Variants in TANC1 observed in about 807,000 individuals in gnomAD.
The protein encoded by TANC1 is tetratricopeptide repeat, ankyrin repeat and coiled-coil containing 1, also known as protein TANC1.
TANC1 carries 77 observed loss-of-function variants against 149.7 expected under a neutral mutation model. The ratio of observed to expected loss-of-function variants is 0.51; its 90% confidence interval spans 0.43 to 0.62. The LOEUF (loss-of-function observed/expected upper bound fraction) is 0.62. Ranked by LOEUF, TANC1 falls within the 20% of genes least tolerant of loss-of-function variation. The pLI is 0.00. For synonymous variants in TANC1, 854 were observed against 925.0 expected (o/e 0.92, Z 1.39); for missense variants, 1,985 against 2,321.8 (o/e 0.85, Z 2.98).
At chr2:159,034,054 A>C (rs971164844) in intron 2 of TANC1, among the ~76,000 whole-genome samples, 3 of 152,234 alleles carry the variant, frequency 2.0e-5, no homozygotes, top group African/African-American at 7.2e-5. Context: ...GAAAACCATC[A>C]TATCACTTCT....
chr2:159,095,684 C>T lies in TANC1; in HGVS notation c.62-1953C>T, dbSNP rs181818663. Among the ~76,000 whole-genome samples the T allele has an allele frequency of 2.3e-3, 309 of 136,992 alleles. 1 individual carries two copies. Among genetic ancestry groups the T allele is most frequent in the African/African-American group, 8.1e-3 (292 of 35,846 alleles). 89.9% of individuals were successfully genotyped at this position (136,992 alleles called of 152,430 possible). A position where few individuals can be genotyped will look rare whatever the true frequency, so the allele number is the denominator to read the frequency against. On this transcript the variant is annotated intron_variant, in intron 3 of 26. Transcript: ENST00000263635. ...CCAGGAGGTGGACGTTGCAGTGAGT[C>T]GAGATCGTGCCACTGCACTCCAGCC...
intron 4 of TANC1, among the ~76,000 whole-genome samples, chr2:159,106,234 C>T (rs2047169735): frequency 6.6e-6 from 1 of 151,518 alleles, no homozygotes; most frequent in Non-Finnish European, 1.5e-5. Context: ...AATTTTAGAA[C>T]ATTGTTATCT....
chr2:158,998,848 C>G (rs1401883693), intron 1 of TANC1, among the ~76,000 whole-genome samples: 1 of 152,130 alleles, frequency 6.6e-6, no homozygotes, highest in Non-Finnish European at 1.5e-5. Context: ...CCATGCCATT[C>G]CCCCCTCCCC....
intron 2 of TANC1, among the ~76,000 whole-genome samples, chr2:159,063,837 C>A (rs2042441375): frequency 6.6e-6 from 1 of 152,110 alleles, no homozygotes; most frequent in African/African-American, 2.4e-5. Flanking sequence ...CTAGTCCTTG[C>A]CCCGTGTGAT....
chr2:159,212,022 A>G (rs1478291777), intron 19 of TANC1, among the ~76,000 whole-genome samples: 1 of 152,218 alleles, frequency 6.6e-6, no homozygotes, highest in Non-Finnish European at 1.5e-5. Context: ...AGAGGTCCCT[A>G]TTTTTAGTGC....
chr2:159,039,997 T>C (rs2040502439), intron 2 of TANC1, among the ~76,000 whole-genome samples: 1 of 152,226 alleles, frequency 6.6e-6, no homozygotes, highest in Admixed American at 6.5e-5. Flanking sequence ...AGTCTCTTTG[T>C]AGGTCTCTAA....
At chr2:159,175,217 C>A in intron 12 of TANC1, 33 bp downstream of exon 12, 1 of 1,564,838 alleles carries the variant, frequency 6.4e-7, no homozygotes, top group South Asian at 1.1e-5. Flanking sequence ...AGCCCCATCT[C>A]AGTAGTGGTA....
At chr2:159,027,196 G>A (rs2039419525) in intron 2 of TANC1, 1 of 152,148 alleles carries the variant, frequency 6.6e-6, no homozygotes, top group South Asian at 2.1e-4. Flanking sequence ...TTCCCATTCT[G>A]TTTTCCTTTT....
chr2:159,073,089 T>G (rs1311202652), intron 3 of TANC1, among the ~76,000 whole-genome samples: 2 of 152,240 alleles, frequency 1.3e-5, no homozygotes, highest in African/African-American at 4.8e-5. Context: ...TCTCCTTGCT[T>G]AAAGGGATTT....
At chr2:159,172,608 T>C (rs2055381734) in intron 11 of TANC1, among the ~76,000 whole-genome samples, 1 of 152,222 alleles carries the variant, frequency 6.6e-6, no homozygotes, top group Non-Finnish European at 1.5e-5. Context: ...TGGGAGCTTT[T>C]GACTTGACCC....
intron 5 of TANC1, among the ~76,000 whole-genome samples, chr2:159,140,221 CAA>C (rs768866568): frequency 2.6e-5 from 3 of 117,530 alleles, no homozygotes; most frequent in Admixed American, 1.8e-4. Flanking sequence ...GACCCTGTCT[CAA>C]AAAAAAAAAA....
Position 159,136,312 on chromosome 2 carries a change from T to G in TANC1, c.364+14T>G. On this transcript the variant is annotated intron_variant, in intron 5 of 26. Coordinates refer to ENST00000263635, the MANE Select transcript of TANC1 (RefSeq NM_033394.3). ...CTGATGAGCATGGTAAGAATTTCAG[T>G]GATTTCCTTCCCCCTCTACCAAAGA... 1 of 1,439,318 alleles carries G rather than the reference T, an allele frequency of 6.9e-7. No homozygotes were observed. Among genetic ancestry groups the G allele is most frequent in the South Asian group, 1.1e-5 (1 of 87,542 alleles). The allele number at this position is 1,439,318 out of a possible 1,614,324, so 89.2% of individuals were successfully genotyped here. A position where few individuals can be genotyped will look rare whatever the true frequency, so the allele number is the denominator to read the frequency against.
In TANC1 at chr2:158,971,517, T is replaced by C. The variant is rs139066299; in HGVS notation, c.-126+2735T>C. 2.0e-5 allele frequency among the ~76,000 whole-genome samples: 3 copies of C among 152,372 alleles called. No individual in the cohort carries two copies. In the East Asian group the frequency reaches 5.8e-4, roughly 29 times the overall value. ...ATTTGTTTTAGTGTTTAAAATAGTTTGGTTTTCAACTGTCTCTTAAATGCA... is the reference window on the plus strand; with the variant it reads ...ATTTGTTTTAGTGTTTAAAATAGTTCGGTTTTCAACTGTCTCTTAAATGCA... On this transcript the variant is annotated intron_variant, in intron 1 of 26. Coordinates refer to ENST00000263635, the MANE Select transcript of TANC1 (RefSeq NM_033394.3).
intron 5 of TANC1, among the ~76,000 whole-genome samples, chr2:159,144,544 T>A (rs2051832426): frequency 1.3e-5 from 2 of 152,032 alleles, no homozygotes; most frequent in African/African-American, 2.4e-5. Flanking sequence ...CCCAGTTAGT[T>A]TTTTTGTATT....
At chr2:159,178,431 A>G (rs372773015) in intron 13 of TANC1, 125 bp from the exon 14 acceptor site, 1 of 1,131,536 alleles carries the variant, frequency 8.8e-7, no homozygotes, top group South Asian at 1.6e-5. Context: ...ATACAAAACA[A>G]TGAGTCCCTG....
At chr2:159,038,845 A>T (rs906077946) in intron 2 of TANC1, among the ~76,000 whole-genome samples, 1 of 152,186 alleles carries the variant, frequency 6.6e-6, no homozygotes, top group Non-Finnish European at 1.5e-5. Flanking sequence ...CTTTGGTATC[A>T]GGATGATGCT....
chr2:159,217,426 G>A (rs1309145814), intron 19 of TANC1, 71 bp from the exon 20 acceptor site: 2 of 1,595,226 alleles, frequency 1.3e-6, no homozygotes, highest in South Asian at 1.1e-5. Context: ...GGAGAGAACT[G>A]TTAAAGAATT....
At chr2:159,142,862 G>C (rs1024830910) in intron 5 of TANC1, among the ~76,000 whole-genome samples, 25 of 151,964 alleles carry the variant, frequency 1.6e-4, no homozygotes, top group Non-Finnish European at 2.9e-4. Context: ...TCAGGAGTTT[G>C]AGACCAGCCT....
intron 4 of TANC1, among the ~76,000 whole-genome samples, 157 bp from the exon 5 acceptor site, chr2:159,136,037 T>TGC (rs1457346433): frequency 5.3e-5 from 4 of 76,176 alleles, no homozygotes; most frequent in African/African-American, 1.7e-4. Context: ...TGTGTGTGTG[T>TGC]GTGTGTGTGT....
Sources: gnomAD v4.1 joint callset for allele counts (sites outside exome capture counted in the v4.1 genomes callset) on GRCh38, gnomAD v4.1.1 for gene constraint, MANE v1.5 for transcripts, NCBI Gene and HGNC (gene_info 2026-07-23, HGNC 2026-07-21) for gene names.